KCNB2: variants seen among roughly 807,000 people sequenced by gnomAD.
The protein encoded by KCNB2 is delayed rectifier potassium channel protein.
Under a neutral mutation model 61.5 loss-of-function variants are expected in KCNB2, and 15 were observed. That is an observed-to-expected ratio of 0.24 (90% CI 0.16 to 0.38). The LOEUF is 0.38. Ranked by LOEUF, KCNB2 falls within the 10% of genes least tolerant of loss-of-function variation. The pLI, the probability that KCNB2 is intolerant of heterozygous loss-of-function variation, is 1.00. For synonymous variants in KCNB2, 457 were observed against 446.0 expected, an observed-to-expected ratio of 1.02 and a Z score of -0.31; for missense variants, 828 against 1,125.2, an observed-to-expected ratio of 0.74 and a Z score of 3.78.
intron 2 of KCNB2, among the ~76,000 whole-genome samples, chr8:72,795,648 T>C (rs915304664): frequency 1.3e-5 from 2 of 152,130 alleles, no homozygotes; most frequent in African/African-American, 4.8e-5. Flanking sequence ...AACAAAAAAC[T>C]AAAATTAGAA....
rs866260081 is a variant in KCNB2, at chr8:72,937,644, G to T, written c.2289G>T (p.Gln763His). 22 of 1,613,948 alleles carry T rather than the reference G, an allele frequency of 1.4e-5. No homozygotes were observed. Among genetic ancestry groups the T allele is most frequent in the South Asian group, 1.2e-4 (11 of 91,080 alleles). ...TCCTCTTAGAAGAAACCCCCTCCCAGGGAGACAGACCCTTGCTGGGCACTG... is the reference window on the plus strand; with the variant it reads ...TCCTCTTAGAAGAAACCCCCTCCCATGGAGACAGACCCTTGCTGGGCACTG... ...STILLEETPS[Q>H]GDRPLLGTEV... is the part of the protein sequence containing the mutation. The change falls in exon 3 of 3, where the codon CAG becomes CAT. Residue 763 changes from glutamine (Q) to histidine (H), a missense_variant. Transcript: ENST00000523207.
intron 2 of KCNB2, among the ~76,000 whole-genome samples, chr8:72,737,268 C>A (rs180948845): frequency 1.4e-4 from 21 of 152,220 alleles, no homozygotes; most frequent in African/African-American, 5.1e-4. Flanking sequence ...TACTTGCCTT[C>A]CAACTAAGGA....
At chr8:72,668,630 A>G (rs748155234) in intron 2 of KCNB2, among the ~76,000 whole-genome samples, 62 of 152,096 alleles carry the variant, frequency 4.1e-4, no homozygotes, top group Admixed American at 1.4e-3. Flanking sequence ...CTTACTTTAA[A>G]TATCACCTCT....
At chr8:72,755,622 G>A (rs1808276026) in intron 2 of KCNB2, among the ~76,000 whole-genome samples, 1 of 152,166 alleles carries the variant, frequency 6.6e-6, no homozygotes, top group African/African-American at 2.4e-5. Context: ...GCTCATTAGG[G>A]AAATGCAAGT....
intron 1 of KCNB2, among the ~76,000 whole-genome samples, chr8:72,561,729 C>CGTATA: frequency 4.9e-5 from 1 of 20,394 alleles, no homozygotes; most frequent in African/African-American, 2.6e-4. Context: ...ATATATATAT[C>CGTATA]TATATCTATA....
chr8:72,577,691 G>A (rs1792528688), intron 2 of KCNB2, among the ~76,000 whole-genome samples: 1 of 152,090 alleles, frequency 6.6e-6, no homozygotes, highest in Admixed American at 6.5e-5. Context: ...CCAAGTGTTG[G>A]ATGCCACTTT....
intron 2 of KCNB2, among the ~76,000 whole-genome samples, chr8:72,628,016 G>T (rs908254860): frequency 3.3e-5 from 5 of 151,858 alleles, no homozygotes; most frequent in African/African-American, 1.2e-4. Context: ...TGCAGTGGTG[G>T]GATCTCAGCC....
chr8:72,830,541 A>G (rs1037932622), intron 2 of KCNB2, among the ~76,000 whole-genome samples: 3 of 152,194 alleles, frequency 2.0e-5, no homozygotes, highest in African/African-American at 7.2e-5. Flanking sequence ...CACCCATCCC[A>G]GAAGTAACTT....
intron 2 of KCNB2, among the ~76,000 whole-genome samples, chr8:72,814,386 GC>G (rs1170610197): frequency 2.0e-5 from 3 of 152,090 alleles, no homozygotes; most frequent in African/African-American, 7.2e-5. Context: ...CACTGAATAG[GC>G]AAATGTTCAG....
intron 2 of KCNB2, among the ~76,000 whole-genome samples, chr8:72,788,133 G>A (rs774756786): frequency 4.6e-5 from 7 of 152,176 alleles, no homozygotes; most frequent in African/African-American, 7.2e-5. Context: ...CAGTAAACTC[G>A]TAATAAACAA....
At chr8:72,710,459 CAT>C (rs142371083) in intron 2 of KCNB2, among the ~76,000 whole-genome samples, 37 of 148,938 alleles carry the variant, frequency 2.5e-4, no homozygotes, top group Admixed American at 2.7e-4. Context: ...GCATGCTCTG[CAT>C]ATATATATAT....
At chr8:72,695,410 G>T (rs1807003160) in intron 2 of KCNB2, among the ~76,000 whole-genome samples, 1 of 152,072 alleles carries the variant, frequency 6.6e-6, no homozygotes, top group African/African-American at 2.4e-5. Context: ...CAAAATTAGG[G>T]ACCAGGTATT....
rs115026822 is a variant in KCNB2, at chr8:72,592,214, T to C, written c.579+23901T>C. The stretch of plus-strand genomic sequence containing the variant: ...ATAAGGAAATTGTGAAATCTGTACT[T>C]GGGTTAAGAATGACTTTGTGATTTT... On this transcript the variant is annotated intron_variant, in intron 2 of 2. Coordinates refer to ENST00000523207, the MANE Select transcript of KCNB2 (RefSeq NM_004770.3). Among the ~76,000 whole-genome samples, 977 of 152,238 alleles carry C rather than the reference T, an allele frequency of 6.4e-3. 7 individuals are homozygous for C. Among genetic ancestry groups the C allele is most frequent in the African/African-American group, 0.022 (909 of 41,556 alleles).
chr8:72,851,845 A>AAAAAAAC (rs1563404693), intron 2 of KCNB2, among the ~76,000 whole-genome samples: 1 of 148,024 alleles, frequency 6.8e-6, no homozygotes, highest in African/African-American at 2.5e-5. Context: ...AAAAAAAAAA[A>AAAAAAAC]AAACACGTAC....
At chr8:72,587,163 G>A (rs1468710635) in intron 2 of KCNB2, among the ~76,000 whole-genome samples, 1 of 152,124 alleles carries the variant, frequency 6.6e-6, no homozygotes, top group African/African-American at 2.4e-5. Context: ...TTGTGAACTT[G>A]ATGAAACAGG....
intron 2 of KCNB2, among the ~76,000 whole-genome samples, chr8:72,932,996 T>C (rs755250893): frequency 5.3e-5 from 8 of 152,164 alleles, no homozygotes; most frequent in Non-Finnish European, 7.3e-5. Flanking sequence ...TTCCTCTAAA[T>C]TGAGAGCAAA....
At chr8:72,661,763 T>A (rs1190585910) in intron 2 of KCNB2, among the ~76,000 whole-genome samples, 3 of 152,320 alleles carry the variant, frequency 2.0e-5, no homozygotes, top group East Asian at 3.9e-4. Flanking sequence ...AAAAACTGAA[T>A]CTTTCTTGTC....
intron 2 of KCNB2, among the ~76,000 whole-genome samples, chr8:72,586,873 G>T (rs1027678681): frequency 2.0e-5 from 3 of 152,040 alleles, no homozygotes; most frequent in Non-Finnish European, 4.4e-5. Context: ...CACTTCCAGG[G>T]TCATTTATTC....
intron 2 of KCNB2, among the ~76,000 whole-genome samples, chr8:72,595,729 C>T (rs960649235): frequency 6.6e-6 from 1 of 152,014 alleles, no homozygotes; most frequent in Non-Finnish European, 1.5e-5. Context: ...CCCATAACAC[C>T]CTGTATTCCC....
Sources: gnomAD v4.1 joint callset for allele counts (sites outside exome capture counted in the v4.1 genomes callset) on GRCh38, gnomAD v4.1.1 for gene constraint, MANE v1.5 for transcripts, NCBI Gene and HGNC (gene_info 2026-07-23, HGNC 2026-07-21) for gene names.